Variants in GPHN observed in about 807,000 individuals in gnomAD.
The protein encoded by GPHN is gephyrin.
A neutral mutation model predicts 95.5 loss-of-function variants in GPHN; 17 were observed. The observed-to-expected ratio is 0.18, with a 90% CI of 0.12 to 0.27. GPHN has a LOEUF of 0.27. Ranked by LOEUF, GPHN falls within the 10% of genes least tolerant of loss-of-function variation. GPHN has a pLI of 1.00. For missense variants in GPHN, 660 were observed against 978.1 expected (o/e 0.67, Z 4.34); for synonymous variants, 320 against 322.5 (o/e 0.99, Z 0.08).
At chr14:66,741,371 G>A (rs1417613524) in intron 2 of GPHN, among the ~76,000 whole-genome samples, 1 of 152,180 alleles carries the variant, frequency 6.6e-6, no homozygotes, top group East Asian at 1.9e-4. Flanking sequence ...GAGATGACTT[G>A]TGAAACCATA....
chr14:66,583,278 G>A (rs1451886193), intron 1 of GPHN, among the ~76,000 whole-genome samples: 14 of 152,222 alleles, frequency 9.2e-5, no homozygotes, highest in Non-Finnish European at 4.4e-5. Flanking sequence ...GAAGATTCTG[G>A]ATATTAACCC....
At chr14:66,757,754 T>C (rs916116765) in intron 2 of GPHN, among the ~76,000 whole-genome samples, 1 of 152,158 alleles carries the variant, frequency 6.6e-6, no homozygotes, top group African/African-American at 2.4e-5. Flanking sequence ...GGAGGAAAAC[T>C]TTTTACTGTA....
At chr14:66,584,833 A>T (rs1184438048) in intron 1 of GPHN, among the ~76,000 whole-genome samples, 1 of 152,134 alleles carries the variant, frequency 6.6e-6, no homozygotes, top group African/African-American at 2.4e-5. Context: ...CATCAAGGAT[A>T]TTGGTCTGAA....
At chr14:66,867,423 C>T (rs893169867) in intron 4 of GPHN, among the ~76,000 whole-genome samples, 1 of 152,226 alleles carries the variant, frequency 6.6e-6, no homozygotes, top group African/African-American at 2.4e-5. Flanking sequence ...CTCTTACTTC[C>T]GTTCTGCTCT....
chr14:66,946,544 T>C (rs1423811016), intron 8 of GPHN, among the ~76,000 whole-genome samples: 1 of 152,120 alleles, frequency 6.6e-6, no homozygotes, highest in African/African-American at 2.4e-5. Context: ...TAGCTGGGAT[T>C]ACAAGCACGC....
intron 5 of GPHN, among the ~76,000 whole-genome samples, chr14:66,885,686 A>G (rs2064150992): frequency 6.6e-6 from 1 of 152,142 alleles, no homozygotes; most frequent in African/African-American, 2.4e-5. Flanking sequence ...CCCAGAAATT[A>G]CAGGATTAGA....
rs149243024 is a variant in GPHN at position 66,719,625 on chromosome 14, C to T, written c.143+38440C>T. Among the ~76,000 whole-genome samples, 8 of 152,278 alleles carry T rather than the reference C, an allele frequency of 5.3e-5. No individual in the cohort carries two copies. In the East Asian group the frequency reaches 1.5e-3, roughly 29 times the overall value. On this transcript the variant is annotated intron_variant, in intron 2 of 22. Coordinates refer to ENST00000478722, the MANE Select transcript of GPHN (RefSeq NM_020806.5). ...CCTCCACACGCTGCTCTGTTCATCC[C>T]AGTCAGAGCTGCCATGTAGTCCTGC...
intron 1 of GPHN, among the ~76,000 whole-genome samples, chr14:66,610,129 A>G (rs953335228): frequency 6.6e-6 from 1 of 152,124 alleles, no homozygotes; most frequent in Admixed American, 6.6e-5. Flanking sequence ...CAGAGGGCCA[A>G]GACTCTGTAC....
intron 3 of GPHN, among the ~76,000 whole-genome samples, chr14:66,808,916 T>C (rs1038585745): frequency 5.9e-5 from 9 of 152,220 alleles, no homozygotes; most frequent in Admixed American, 5.2e-4. Context: ...GAAGGACTTC[T>C]AAAGCAAAAG....
At chr14:66,913,948 A>G (rs1009109270) in intron 5 of GPHN, among the ~76,000 whole-genome samples, 4 of 152,156 alleles carry the variant, frequency 2.6e-5, no homozygotes, top group Admixed American at 6.5e-5. Context: ...TGGACATTCT[A>G]TAGATGAAAA....
intron 2 of GPHN, among the ~76,000 whole-genome samples, chr14:66,729,648 CAG>C (rs2071586414): frequency 6.6e-6 from 1 of 152,112 alleles, no homozygotes; most frequent in Non-Finnish European, 1.5e-5. Flanking sequence ...AACATAACAT[CAG>C]AGATCATTAT....
chr14:67,593,590 C>T, the GPHN span: 2 of 586,600 alleles, frequency 3.4e-6, no homozygotes, highest in Non-Finnish European at 6.1e-6. Flanking sequence ...AATTCCCTAT[C>T]CATGAAAACC....
the GPHN span, chr14:67,541,833 G>A: frequency 1.2e-5 from 19 of 1,543,510 alleles, no homozygotes; most frequent in Admixed American, 4.1e-5. Flanking sequence ...CTGGTTCTTA[G>A]GGCTCCCCAG....
chr14:67,325,588 T>TAA, the GPHN span, among the ~76,000 whole-genome samples: 1 of 152,146 alleles, frequency 6.6e-6, no homozygotes. Flanking sequence ...TGTGTAAAAT[T>TAA]TAGTGTCCAA....
At chr14:67,343,393 G>A in the GPHN span, 3 of 1,611,992 alleles carry the variant, frequency 1.9e-6, no homozygotes, top group Admixed American at 1.7e-5. Flanking sequence ...GCATTTACAC[G>A]CCTGTTGGTT....
chr14:66,963,296 T>C (rs190934866), intron 8 of GPHN, among the ~76,000 whole-genome samples: 57 of 152,184 alleles, frequency 3.7e-4, no homozygotes, highest in African/African-American at 1.3e-3. Flanking sequence ...CATTGAGGCA[T>C]ATATACACAC....
intron 4 of GPHN, among the ~76,000 whole-genome samples, chr14:66,837,525 C>A (rs1426388287): frequency 6.7e-6 from 1 of 149,678 alleles, no homozygotes; most frequent in African/African-American, 2.5e-5. Flanking sequence ...AGCACACCAG[C>A]ATGGCACATG....
At chr14:67,615,524 C>T in the GPHN span, 2 of 437,076 alleles carry the variant, frequency 4.6e-6, no homozygotes, top group East Asian at 5.0e-5. Flanking sequence ...GGCAAAATGC[C>T]ATCGTATGTA....
the GPHN span, among the ~76,000 whole-genome samples, chr14:67,242,207 T>G: frequency 6.6e-6 from 1 of 152,242 alleles, no homozygotes. Flanking sequence ...ACTCACCTTC[T>G]GTTGATTGAC....
Sources: gnomAD v4.1 joint callset for allele counts (sites outside exome capture counted in the v4.1 genomes callset) on GRCh38, gnomAD v4.1.1 for gene constraint, MANE v1.5 for transcripts, NCBI Gene and HGNC (gene_info 2026-07-23, HGNC 2026-07-21) for gene names.